The following ATP8A2 variants were observed in gnomAD, a reference collection of about 807,000 sequenced individuals.
ATP8A2 encodes phospholipid-transporting ATPase IB.
Under a neutral mutation model 165.6 loss-of-function variants are expected in ATP8A2, and 100 were observed. The observed-to-expected ratio is 0.60, with a 90% CI of 0.51 to 0.71. The LOEUF (loss-of-function observed/expected upper bound fraction) is 0.71, where lower values mean the gene tolerates loss of function less well. Among genes scored for constraint, ATP8A2 ranks in the 30% least tolerant of loss-of-function variants. The probability of loss-of-function intolerance (pLI) is 0.00; values close to 1 mark genes in which losing one functional copy is unlikely to be tolerated. For missense variants in ATP8A2, 1,227 were observed against 1,479.5 expected (o/e 0.83, Z 2.80); for synonymous variants, 543 against 548.8 (o/e 0.99, Z 0.15).
chr13:25,887,345 T>C (rs1207659533), intron 33 of ATP8A2, among the ~76,000 whole-genome samples: 1 of 146,966 alleles, frequency 6.8e-6, no homozygotes, highest in Non-Finnish European at 1.5e-5. Context: ...AGTCCAACTC[T>C]TTTTTTTTTT....
intron 30 of ATP8A2, among the ~76,000 whole-genome samples, chr13:25,845,533 T>C (rs950692960): frequency 2.0e-5 from 3 of 152,214 alleles, no homozygotes; most frequent in Admixed American, 6.5e-5. Flanking sequence ...CGGATTCTTA[T>C]GTATGGGTAC....
At chr13:25,748,538 G>A (rs2044085480) in intron 25 of ATP8A2, among the ~76,000 whole-genome samples, 1 of 152,188 alleles carries the variant, frequency 6.6e-6, no homozygotes, top group Non-Finnish European at 1.5e-5. Flanking sequence ...TCATCCTGAT[G>A]CACACCATAC....
chr13:25,406,134 G>A (rs1204944964), intron 1 of ATP8A2, among the ~76,000 whole-genome samples: 1 of 152,220 alleles, frequency 6.6e-6, no homozygotes, highest in East Asian at 1.9e-4. Flanking sequence ...TTCTGAGGAA[G>A]CAGAGACGCT....
At chr13:25,408,458 G>A (rs1683784361) in intron 1 of ATP8A2, among the ~76,000 whole-genome samples, 1 of 151,990 alleles carries the variant, frequency 6.6e-6, no homozygotes, top group African/African-American at 2.4e-5. Flanking sequence ...CCCACAGACA[G>A]GATGGTGAGC....
chr13:25,710,834 A>G (rs2043143871), intron 25 of ATP8A2, among the ~76,000 whole-genome samples: 1 of 127,452 alleles, frequency 7.8e-6, no homozygotes, highest in Non-Finnish European at 1.8e-5. Flanking sequence ...GGAAATCCTA[A>G]TGCCATCAAG....
intron 1 of ATP8A2, 100 bp from the exon 2 acceptor site, chr13:25,468,876 TC>T: frequency 3.2e-6 from 5 of 1,550,276 alleles, no homozygotes; most frequent in Non-Finnish European, 4.4e-6. Context: ...CGAGCATCCT[TC>T]CCCGCCGGTG....
chr13:25,706,838 C>T (rs181171145), intron 25 of ATP8A2, among the ~76,000 whole-genome samples: 3 of 152,176 alleles, frequency 2.0e-5, no homozygotes, highest in Admixed American at 2.0e-4. Flanking sequence ...TTGTTGATTG[C>T]ATGCAATTAA....
rs915422375 is a variant in ATP8A2, at chr13:25,769,788, G to T, written c.2568+559G>T. On this transcript the variant is annotated intron_variant, in intron 26 of 36. Transcript: ENST00000381655. ...TTGCCAAGAGCACGAGCTGGGTTTG[G>T]GCCATAATGACCCCATGGTCAGTAG... Among the ~76,000 whole-genome samples the T allele has an allele frequency of 3.3e-5, 5 of 152,162 alleles. No homozygotes were observed. The East Asian group carries it at 9.7e-4, about 29-fold the overall frequency.
At chr13:25,460,154 T>C (rs1302131362) in intron 1 of ATP8A2, among the ~76,000 whole-genome samples, 1 of 152,116 alleles carries the variant, frequency 6.6e-6, no homozygotes, top group Non-Finnish European at 1.5e-5. Flanking sequence ...TGAGCCGAGA[T>C]TGCGCCATTG....
intron 24 of ATP8A2, among the ~76,000 whole-genome samples, chr13:25,615,612 G>A (rs1234330485): frequency 6.6e-6 from 1 of 152,122 alleles, no homozygotes; most frequent in Non-Finnish European, 1.5e-5. Flanking sequence ...TTCAGCTGGA[G>A]GTCTTTTCCC....
In ATP8A2 at chr13:25,589,688, G is replaced by A. The variant is rs1274367620; in HGVS notation, c.2200G>A (p.Asp734Asn). The A allele has an allele frequency of 6.2e-7, 1 of 1,607,844 alleles. No individual in the cohort carries two copies. Among genetic ancestry groups the A allele is most frequent in the Non-Finnish European group, 8.5e-7 (1 of 1,174,954 alleles). Residue 734 changes from aspartate (D) to asparagine (N), a missense_variant, in exon 24 of 37, where the codon GAC (aspartate) becomes AAC (asparagine). Physicochemically the swap from Asp to Asn is conservative, Grantham distance 23. This residue lies in a region of ATP8A2 where 592 missense variants were observed against 785.6 expected (regional missense o/e 0.75). Coordinates refer to ENST00000381655, the MANE Select transcript of ATP8A2 (RefSeq NM_016529.6). ...TATGGCCCTTATCCTATTGAAGGAG[G>A]ACTCTTTGGATGTAAGTAGTTTTTC... is the stretch of plus-strand genomic sequence containing the variant. ...QNMALILLKE[D>N]SLDATRAAIT...
chr13:25,624,695 GGTAA>G (rs1237248344), intron 24 of ATP8A2, among the ~76,000 whole-genome samples: 1 of 152,094 alleles, frequency 6.6e-6, no homozygotes, highest in Non-Finnish European at 1.5e-5. Context: ...CTATTAATTG[GGTAA>G]GTACAAGTTG....
At chr13:25,621,604 C>A (rs559953888) in intron 24 of ATP8A2, among the ~76,000 whole-genome samples, 10 of 152,178 alleles carry the variant, frequency 6.6e-5, no homozygotes, top group Non-Finnish European at 7.4e-5. Context: ...TTTACCAAAT[C>A]CAGTCCTGAT....
chr13:25,683,064 A>G (rs1449017528), intron 24 of ATP8A2, among the ~76,000 whole-genome samples: 1 of 152,248 alleles, frequency 6.6e-6, no homozygotes, highest in Non-Finnish European at 1.5e-5. Context: ...ATCTCTAAGT[A>G]TTGCATTTGA....
At chr13:25,831,195 G>A (rs1411234813) in intron 28 of ATP8A2, among the ~76,000 whole-genome samples, 3 of 148,452 alleles carry the variant, frequency 2.0e-5, no homozygotes, top group East Asian at 2.0e-4. Context: ...GTAGCAAGTC[G>A]TTGTTCCTCA....
At position 25,953,202 on chromosome 13, in the gene ATP8A2, T is replaced by C. The variant is rs1955418910; in HGVS notation, c.3184-8373T>C. 6.6e-6 allele frequency among the ~76,000 whole-genome samples: 1 copy of C among 152,156 alleles called. No homozygotes were observed. The highest frequency in any genetic ancestry group is 1.9e-4 in the East Asian group (1 of 5,190). On this transcript the variant is annotated intron_variant, in intron 33 of 36. Transcript: ENST00000381655. This position sits in a 1 kb window ranked among gnomAD's most constrained non-coding sequence, Gnocchi z 6.7. ...TTTCGTCTTTTAACTTTACAAGTGC[T>C]CCTCATTTTCTTTTACTTACAATTT...
intron 24 of ATP8A2, among the ~76,000 whole-genome samples, chr13:25,655,765 A>G (rs1300993062): frequency 6.6e-6 from 1 of 151,956 alleles, no homozygotes; most frequent in Non-Finnish European, 1.5e-5. Context: ...AAAGTACATG[A>G]TTAGATCTTG....
intron 25 of ATP8A2, among the ~76,000 whole-genome samples, chr13:25,699,966 G>A (rs780413449): frequency 4.6e-5 from 7 of 152,070 alleles, no homozygotes; most frequent in Non-Finnish European, 7.4e-5. Flanking sequence ...TAAACCACTA[G>A]AAAGATGAGT....
intron 24 of ATP8A2, among the ~76,000 whole-genome samples, chr13:25,641,832 C>CAAGG (rs1248182290): frequency 4.1e-5 from 4 of 96,550 alleles, no homozygotes. Flanking sequence ...CTGGAGGCGT[C>CAAGG]ACGCTACCTG....
Sources: gnomAD v4.1 joint callset for allele counts (sites outside exome capture counted in the v4.1 genomes callset) on GRCh38, gnomAD v4.1.1 for gene constraint, gnomAD v4.1.1 regional missense constraint, Gnocchi (gnomAD v3.1) non-coding constraint, MANE v1.5 for transcripts, NCBI Gene and HGNC (gene_info 2026-07-23, HGNC 2026-07-21) for gene names.